ITGB2: variants seen among roughly 807,000 people sequenced by gnomAD.
ITGB2 encodes the protein integrin beta-2.
Under a neutral mutation model 86.8 loss-of-function variants are expected in ITGB2, and 56 were observed. The observed-to-expected ratio is 0.65, with a 90% confidence interval of 0.52 to 0.81. The LOEUF is 0.81. ITGB2 is among the 30% of genes least tolerant of loss of function. The pLI, the probability that ITGB2 is intolerant of heterozygous loss-of-function variation, is 0.00. For missense variants in ITGB2, 948 were observed against 1,061.2 expected (o/e 0.89, Z 1.48); for synonymous variants, 457 against 450.4 (o/e 1.01, Z -0.19).
chr21:44,915,711 A>G (rs763099644), intron 1 of ITGB2, among the ~76,000 whole-genome samples: 25 of 152,158 alleles, frequency 1.6e-4, no homozygotes, highest in Non-Finnish European at 3.4e-4. Context: ...GGACTGGAAC[A>G]CTGTCCTTGG....
chr21:44,910,910 G>T, intron 1 of ITGB2, 125 bp from the exon 2 acceptor site: 1 of 959,064 alleles, frequency 1.0e-6, no homozygotes, highest in African/African-American at 1.6e-5. Flanking sequence ...CAGGGGGTGG[G>T]TTAGGGTCAG....
At chr21:44,927,314 C>G (rs1481924465) in intron 1 of ITGB2, among the ~76,000 whole-genome samples, 1 of 152,064 alleles carries the variant, frequency 6.6e-6, no homozygotes, top group Non-Finnish European at 1.5e-5. Context: ...TTGGCAGCAC[C>G]AAGGGAAGAG....
At chr21:44,915,794 A>G (rs1233344628) in intron 1 of ITGB2, among the ~76,000 whole-genome samples, 1 of 152,206 alleles carries the variant, frequency 6.6e-6, no homozygotes, top group Non-Finnish European at 1.5e-5. Flanking sequence ...AGCAGAGAGG[A>G]TGCAGGAAAA....
intron 9 of ITGB2, chr21:44,893,950 A>G (rs2083826630): frequency 3.1e-6 from 1 of 326,018 alleles, no homozygotes; most frequent in Non-Finnish European, 6.1e-6. Context: ...ATGGAGAGAA[A>G]CAGAGAGAGG....
intron 1 of ITGB2, among the ~76,000 whole-genome samples, chr21:44,919,020 G>GCTGAGCGTCCCCTCTCCCAGCACTCGGA (rs58007154): frequency 2.3e-4 from 34 of 149,642 alleles, no homozygotes; most frequent in Non-Finnish European, 3.3e-4. Context: ...AGCACTCGGA[G>GCTGAGCGTCCCCTCTCCCAGCACTCGGA]GCACCTGCAG....
At chr21:44,911,870 C>T (rs1011677455) in intron 1 of ITGB2, among the ~76,000 whole-genome samples, 2 of 152,130 alleles carry the variant, frequency 1.3e-5, no homozygotes, top group East Asian at 1.9e-4. Flanking sequence ...GGGAGGTGCC[C>T]AAACCAGGCC....
At position 44,886,244 on chromosome 21, in the gene ITGB2, G is replaced by A. The variant is rs1249058372; in HGVS notation, c.*124C>T. 4 of 981,924 alleles carry A rather than the reference G, an allele frequency of 4.1e-6. No homozygotes were observed. The highest frequency in any genetic ancestry group is 2.9e-4 in the Middle Eastern group (1 of 3,428). The allele number at this position is 981,924 out of a possible 1,614,324, so 60.8% of individuals were successfully genotyped here. A position where few individuals can be genotyped will look rare whatever the true frequency, so the allele number is the denominator to read the frequency against. The stretch of plus-strand genomic sequence containing the variant: ...GGCCGGCCATGGCTGTCATTTTGAG[G>A]GCGGAAAATAACTGGATTTCTGGTT... On this transcript the variant is annotated 3_prime_UTR_variant, in exon 16 of 16. Transcript: ENST00000652462.
intron 9 of ITGB2, 21 bp from the exon 10 acceptor site, chr21:44,893,565 C>T (rs1601290879): frequency 6.2e-7 from 1 of 1,613,136 alleles, no homozygotes; most frequent in African/African-American, 1.3e-5. Context: ...AGAGCGGTTA[C>T]TCTTGGGGGC....
In ITGB2 at chr21:44,901,518, C is replaced by T. The variant is rs179363873; in HGVS notation, c.715G>A (p.Ala239Thr). Reference sequence around the variant, plus strand: ...GGGCAGGCGGCGACCTGCATCATGGCGTCCAGCCCACCCTCGGGTGCATCC... The same window carrying T: ...GGGCAGGCGGCGACCTGCATCATGGTGTCCAGCCCACCCTCGGGTGCATCC... ...NLDAPEGGLD[A>T]MMQVAACPEE... Residue 239 changes from alanine to threonine, a missense_variant, in exon 6 of 16, where the codon GCC becomes ACC. Ala to Thr is a moderately conservative substitution (Grantham distance 58). Coordinates refer to ENST00000652462, the MANE Select transcript of ITGB2 (RefSeq NM_000211.5). The T allele has an allele frequency of 3.1e-6, 5 of 1,614,214 alleles. No individual in the cohort carries two copies. The highest frequency in any genetic ancestry group is 2.2e-5 in the East Asian group (1 of 44,878).
rs1177431478 is a variant in ITGB2 at position 44,910,291 on chromosome 21, T to C, written c.140A>G (p.Gln47Arg). 1.9e-6 allele frequency: 3 copies of C among 1,614,046 alleles called. No homozygotes were observed. Among genetic ancestry groups the C allele is most frequent in the Non-Finnish European group, 8.5e-7 (1 of 1,179,984 alleles). Residue 47 changes from glutamine to arginine, a missense_variant, in exon 3 of 16, where the codon CAG (glutamine) becomes CGG (arginine). Coordinates refer to ENST00000652462, the MANE Select transcript of ITGB2 (RefSeq NM_000211.5). ...GGTCCAGGAGGCACTTACCAGCTTCTGGCACCAGGTGCAGCCGGGCCCCGA... is the reference window on the plus strand; with the variant it reads ...GGTCCAGGAGGCACTTACCAGCTTCCGGCACCAGGTGCAGCCGGGCCCCGA... ...IESGPGCTWC[Q>R]KLNFTGPGDP...
intron 10 of ITGB2, 46 bp downstream of exon 10, chr21:44,893,358 G>C: frequency 1.2e-6 from 2 of 1,609,278 alleles, no homozygotes; most frequent in Non-Finnish European, 1.7e-6. Context: ...GCTGTCCCCA[G>C]AGCCCCTCAG....
chr21:44,891,748 G>A (rs1172780184), intron 11 of ITGB2, 61 bp downstream of exon 11: 16 of 1,574,410 alleles, frequency 1.0e-5, no homozygotes, highest in Middle Eastern at 1.8e-4. Flanking sequence ...CTCACCTGCC[G>A]ACACCTGCCC....
At chr21:44,904,306 A>G (rs1204534429) in intron 4 of ITGB2, among the ~76,000 whole-genome samples, 1 of 151,960 alleles carries the variant, frequency 6.6e-6, no homozygotes, top group Admixed American at 6.6e-5. Flanking sequence ...ACAGACACAC[A>G]CACACGCACT....
At chr21:44,926,267 C>A (rs2084372330) in intron 1 of ITGB2, among the ~76,000 whole-genome samples, 1 of 152,206 alleles carries the variant, frequency 6.6e-6, no homozygotes, top group Non-Finnish European at 1.5e-5. Context: ...CAGCACTCAT[C>A]TTACTATCCC....
At chr21:44,922,073 C>T (rs542889986), upstream of ITGB2, among the ~76,000 whole-genome samples, 49 of 152,274 alleles carry the variant, frequency 3.2e-4, no homozygotes, top group Non-Finnish European at 5.7e-4. Context: ...TGAAGAAATC[C>T]ATGAGAAATA....
intron 1 of ITGB2, 81 bp from the exon 2 acceptor site, chr21:44,910,866 C>T (rs1051909480): frequency 2.1e-5 from 30 of 1,445,298 alleles, no homozygotes; most frequent in Non-Finnish European, 2.9e-5. Flanking sequence ...CTCCAGCTGG[C>T]CTGGGACAAG....
intron 11 of ITGB2, among the ~76,000 whole-genome samples, chr21:44,890,772 C>T (rs1386924057): frequency 6.6e-6 from 1 of 152,130 alleles, no homozygotes; most frequent in Admixed American, 6.5e-5. Flanking sequence ...CACGGGCTCT[C>T]CTGCTCCCCA....
intron 5 of ITGB2, chr21:44,901,973 T>A (rs1036887849): frequency 3.5e-6 from 2 of 564,508 alleles, no homozygotes; most frequent in Non-Finnish European, 6.3e-6. Flanking sequence ...CATAAGTGTA[T>A]GCATGTGTGT....
intron 4 of ITGB2, among the ~76,000 whole-genome samples, chr21:44,904,559 CACA>C (rs1195204361): frequency 5.3e-5 from 8 of 151,678 alleles, no homozygotes; most frequent in Admixed American, 4.6e-4. Context: ...CACACTCATA[CACA>C]ACACCAGACA....
Sources: allele counts gnomAD v4.1 joint callset (sites outside exome capture counted in the v4.1 genomes callset), GRCh38; gene constraint gnomAD v4.1.1; transcripts MANE v1.5; gene names NCBI Gene and HGNC (gene_info 2026-07-23, HGNC 2026-07-21).